Variants in PHB2 observed in about 807,000 individuals in gnomAD.
The protein encoded by PHB2 is prohibitin-2.
PHB2 carries 22 observed loss-of-function variants against 46.4 expected under a neutral mutation model. The observed-to-expected ratio is 0.47, with a 90% CI of 0.34 to 0.68. The LOEUF (loss-of-function observed/expected upper bound fraction) is 0.68. PHB2 is among the 30% of genes least tolerant of loss of function. The probability of loss-of-function intolerance (pLI) is 0.01; values close to 1 mark genes in which losing one functional copy is unlikely to be tolerated. For synonymous variants in PHB2, 156 were observed against 150.5 expected (o/e 1.04, Z -0.27); for missense variants, 305 against 382.8 (o/e 0.80, Z 1.70).
intron 2 of PHB2, chr12:6,969,779 A>G: frequency 7.9e-6 from 4 of 504,844 alleles, no homozygotes; most frequent in Non-Finnish European, 1.1e-5. Context: ...GGCGCCTGTA[A>G]TCCCAGCTAC....
chr12:6,968,846 C>T, intron 3 of PHB2: 1 of 515,760 alleles, frequency 1.9e-6, no homozygotes, highest in Non-Finnish European at 3.6e-6. Flanking sequence ...CCTCTGTACT[C>T]TGTGCAACCT....
At chr12:6,969,908 AAAAAG>A (rs1243587023) in intron 2 of PHB2, 94 of 630,172 alleles carry the variant, frequency 1.5e-4, no homozygotes, top group African/African-American at 1.5e-3. Flanking sequence ...CCAAAAAAAA[AAAAAG>A]AAAAGGCCGC....
intron 8 of PHB2, 36 bp downstream of exon 8, chr12:6,966,388 C>T (rs1555150788): frequency 7.6e-7 from 1 of 1,310,324 alleles, no homozygotes; most frequent in South Asian, 1.2e-5. Flanking sequence ...GTCCCACGTT[C>T]TTGGTGATAC....
In PHB2 at chr12:6,965,679, C is replaced by T; in HGVS notation, c.*6G>A. ...CCTCTGGGGGTGGAGTTCTTGGTGA[C>T]TAGGCTCATTTCTTACCCTTGATGA... On this transcript the variant is annotated 3_prime_UTR_variant, in exon 10 of 10. Transcript: ENST00000535923. 6.2e-7 allele frequency: 1 copy of T among 1,611,674 alleles called. No homozygotes were observed.
intron 8 of PHB2, among the ~76,000 whole-genome samples, chr12:6,966,210 A>G (rs1049105453): frequency 6.6e-6 from 1 of 152,206 alleles, no homozygotes; most frequent in Non-Finnish European, 1.5e-5. Context: ...TGAAAACTTT[A>G]TAATTAAAGT....
upstream of PHB2, chr12:6,970,730 G>A (rs1329610006): frequency 2.1e-6 from 2 of 936,250 alleles, no homozygotes; most frequent in African/African-American, 1.7e-5. Context: ...CCCGAACTTC[G>A]CGCACAGGAA....
At chr12:6,970,171 G>A (rs782479763) in intron 2 of PHB2, 25 bp downstream of exon 2, 22 of 1,570,742 alleles carry the variant, frequency 1.4e-5, no homozygotes, top group East Asian at 2.2e-5. Context: ...AAAGGTCAGG[G>A]TCAGCAGGCT....
intron 3 of PHB2, chr12:6,968,812 C>T (rs1555151406): frequency 1.0e-5 from 6 of 580,480 alleles, no homozygotes; most frequent in Admixed American, 4.7e-5. Flanking sequence ...ACCCCGTCAC[C>T]AGCAGAGCTG....
intron 9 of PHB2, 86 bp from the exon 10 acceptor site, chr12:6,965,798 C>A (rs1946202519): frequency 3.2e-6 from 5 of 1,547,922 alleles, no homozygotes; most frequent in Non-Finnish European, 4.4e-6. Context: ...CCTCTACGAC[C>A]CTCCTACCCT....
At position 6,967,391 on chromosome 12, in the gene PHB2, C is replaced by T. The variant is rs1332574491; in HGVS notation, c.712-143G>A. ...TTGTGCCCAGCCCTACCGTGGACCC[C>T]ACCTGTGGGCCTCCCTGCAGGCTGC... is the stretch of plus-strand genomic sequence containing the variant. On this transcript the variant is annotated intron_variant, in intron 6 of 9. Transcript: ENST00000535923. This position sits in a 1 kb window ranked among gnomAD's most constrained non-coding sequence, Gnocchi z 4.9. 2 of 1,587,154 alleles carry T rather than the reference C, an allele frequency of 1.3e-6. No individual in the cohort carries two copies. The highest frequency in any genetic ancestry group is 1.7e-6 in the Non-Finnish European group (2 of 1,159,350).
chr12:6,967,659 C>T lies in PHB2; in HGVS notation c.711+17G>A, dbSNP rs370411917. The T allele has an allele frequency of 6.3e-7, 1 of 1,595,512 alleles. No homozygotes were observed. The highest frequency in any genetic ancestry group is 8.6e-7 in the Non-Finnish European group (1 of 1,163,644). Reference sequence around the variant, plus strand: ...TGCCCTAGGGGCTGGGCTGAGATCTCTCCAGCAGAAGGATATCATCTTGGC... The same window carrying T: ...TGCCCTAGGGGCTGGGCTGAGATCTTTCCAGCAGAAGGATATCATCTTGGC... On this transcript the variant is annotated intron_variant, in intron 6 of 9. Coordinates refer to ENST00000535923, the MANE Select transcript of PHB2 (RefSeq NM_001144831.2). The surrounding 1 kb of genome is among the most constrained non-coding windows in gnomAD (Gnocchi z 4.9).
chr12:6,966,803 G>C (rs1946217798), intron 7 of PHB2, among the ~76,000 whole-genome samples: 2 of 152,164 alleles, frequency 1.3e-5, no homozygotes, highest in Non-Finnish European at 2.9e-5. Flanking sequence ...GGAGTGCAGT[G>C]GCATGATCTC....
chr12:6,970,330 G>A (rs1555151850), intron 1 of PHB2, 50 bp from the exon 2 acceptor site: 2 of 1,605,024 alleles, frequency 1.2e-6, no homozygotes, highest in East Asian at 2.2e-5. Flanking sequence ...CAGAGGAAAT[G>A]CTAGGCCCGT....
rs891315422 is a variant in PHB2 at position 6,969,384 on chromosome 12, T to C, written c.292+114A>G. 4.5e-5 allele frequency: 25 copies of C among 561,292 alleles called. No homozygotes were observed. The Middle Eastern group carries it at 1.5e-3, about 34-fold the overall frequency. The allele number at this position is 561,292 out of a possible 1,614,324, so 34.8% of individuals were successfully genotyped here. A position where few individuals can be genotyped will look rare whatever the true frequency, so the allele number is the denominator to read the frequency against. ...GAGGCAGGTATTTTTGTTACAGCTC[T>C]TGCAGATGTGGAAAGAGGCCTAAAG... On this transcript the variant is annotated intron_variant, in intron 3 of 9. Transcript: ENST00000535923.
At chr12:6,966,539 A>C in intron 7 of PHB2, 39 bp from the exon 8 acceptor site, 1 of 1,307,296 alleles carries the variant, frequency 7.6e-7, no homozygotes. Flanking sequence ...TGCATTAAGC[A>C]AAGACCTCAA....
At position 6,966,508 on chromosome 12, in the gene PHB2, G is replaced by A. The variant is rs1946213878; in HGVS notation, c.790-8C>T. ...ATTCTGTGATGTGGCGATCTACAGG[G>A]CAGGAAATAAGACAGATGCTTGCAT... is the stretch of plus-strand genomic sequence containing the variant. On this transcript the variant is annotated splice_region_variant and splice_polypyrimidine_tract_variant and intron_variant, in intron 7 of 9. Transcript: ENST00000535923. The A allele has an allele frequency of 2.5e-6, 4 of 1,585,270 alleles. No individual in the cohort carries two copies. In the South Asian group the frequency reaches 4.4e-5, roughly 18 times the overall value.
chr12:6,965,594 G>A lies in PHB2; in HGVS notation c.*91C>T. ...GGGACCATCGCATGATACTGGGGCG[G>A]GGTAGGGCTGTGCTGGACCCCTGGC... On this transcript the variant is annotated 3_prime_UTR_variant, in exon 10 of 10. Transcript: ENST00000535923. 1.0e-6 allele frequency: 1 copy of A among 976,046 alleles called. No individual in the cohort carries two copies. The highest frequency in any genetic ancestry group is 1.6e-6 in the Non-Finnish European group (1 of 616,106). The allele number at this position is 976,046 out of a possible 1,614,324, so 60.5% of individuals were successfully genotyped here.
rs995221415 is a variant in PHB2, at chr12:6,965,550, G to A, written c.*135C>T. The A allele has an allele frequency of 1.4e-6, 1 of 730,070 alleles. No homozygotes were observed. Among genetic ancestry groups the A allele is most frequent in the Non-Finnish European group, 2.5e-6 (1 of 405,426 alleles). The allele number at this position is 730,070 out of a possible 1,614,324, so 45.2% of individuals were successfully genotyped here. ...TTCAGTCTTCCTTAATCCAAGAGGG[G>A]TTCAGGGAACCGGTGTGGGGGACCA... On this transcript the variant is annotated 3_prime_UTR_variant, in exon 10 of 10. Transcript: ENST00000535923.
At chr12:6,970,690 T>G (rs1235598881), upstream of PHB2, 1 of 1,048,016 alleles carries the variant, frequency 9.5e-7, no homozygotes, top group South Asian at 1.6e-5. Flanking sequence ...TGCGCTCCCT[T>G]TGAAACCCTC....
Sources: gnomAD v4.1 joint callset for allele counts (sites outside exome capture counted in the v4.1 genomes callset) on GRCh38, gnomAD v4.1.1 for gene constraint, Gnocchi (gnomAD v3.1) non-coding constraint, MANE v1.5 for transcripts, NCBI Gene and HGNC (gene_info 2026-07-23, HGNC 2026-07-21) for gene names.